FMN1: variants seen among roughly 807,000 people sequenced by gnomAD.
FMN1 encodes the protein formin-1.
FMN1 carries 110 observed loss-of-function variants against 132.4 expected under a neutral mutation model. The observed-to-expected ratio is 0.83, with a 90% CI of 0.71 to 0.97. The LOEUF (loss-of-function observed/expected upper bound fraction) is 0.97. Ranked by LOEUF, FMN1 falls within the 50% of genes least tolerant of loss-of-function variation. The pLI, the probability that FMN1 is intolerant of heterozygous loss-of-function variation, is 0.00. For missense variants in FMN1, 1,792 were observed against 1,705.3 expected (o/e 1.05, Z -0.90); for synonymous variants, 722 against 651.7 (o/e 1.11, Z -1.64).
chr15:32,935,208 A>T (rs542828535), intron 9 of FMN1, among the ~76,000 whole-genome samples: 1 of 152,314 alleles, frequency 6.6e-6, no homozygotes, highest in South Asian at 2.1e-4. Context: ...GGCGTGAGCC[A>T]CTGCACCCAG....
At chr15:33,032,172 G>T (rs905109946) in intron 6 of FMN1, among the ~76,000 whole-genome samples, 5 of 152,166 alleles carry the variant, frequency 3.3e-5, no homozygotes, top group Non-Finnish European at 7.3e-5. Context: ...GACACTTAGG[G>T]TCATTAGTTA....
At chr15:32,967,000 A>G (rs761165459) in intron 8 of FMN1, among the ~76,000 whole-genome samples, 1 of 152,244 alleles carries the variant, frequency 6.6e-6, no homozygotes, top group Non-Finnish European at 1.5e-5. Context: ...TGCAGTCTTA[A>G]CACATCATAG....
chr15:33,165,526 G>A lies in FMN1; in HGVS notation c.-131-10481C>T, dbSNP rs557361564. ...TTGCCTCAGCCTCCCGAGTAGCTGG[G>A]AATACAGGCGCCCGCCACCACGCCC... On this transcript the variant is annotated intron_variant, in intron 3 of 20. Coordinates refer to ENST00000616417, the MANE Select transcript of FMN1 (RefSeq NM_001277313.2). Among the ~76,000 whole-genome samples the A allele has an allele frequency of 3.7e-4, 56 of 152,266 alleles. No individual in the cohort carries two copies. In the East Asian group the frequency reaches 9.3e-3, roughly 25 times the overall value.
intron 6 of FMN1, among the ~76,000 whole-genome samples, chr15:33,052,257 T>G (rs1022314042): frequency 3.9e-5 from 6 of 152,192 alleles, no homozygotes; most frequent in African/African-American, 1.4e-4. Context: ...CTGAAAATAC[T>G]TGATTTAAAA....
intron 9 of FMN1, among the ~76,000 whole-genome samples, chr15:32,931,998 A>T (rs2061130814): frequency 6.6e-6 from 1 of 152,118 alleles, no homozygotes; most frequent in Non-Finnish European, 1.5e-5. Context: ...TTGTTCTTTT[A>T]ATGTAATATA....
At chr15:33,129,218 T>C (rs1963429665) in intron 4 of FMN1, among the ~76,000 whole-genome samples, 1 of 152,178 alleles carries the variant, frequency 6.6e-6, no homozygotes, top group Non-Finnish European at 1.5e-5. Context: ...CTACCAGAAT[T>C]TGGGGACAGG....
chr15:33,042,256 A>G (rs1273742997), intron 6 of FMN1, among the ~76,000 whole-genome samples: 1 of 152,210 alleles, frequency 6.6e-6, no homozygotes, highest in East Asian at 1.9e-4. Context: ...TCATAAAAGA[A>G]ATCTTGCAGA....
Position 33,157,058 on chromosome 15 carries a change from G to A in FMN1, c.-131-2013C>T, listed in dbSNP as rs28503956. On this transcript the variant is annotated intron_variant, in intron 3 of 20. Transcript: ENST00000616417. ...CGAGGTGGGCAGATCACCAGGTCAGGAGATCGACACCAGCCTGGCCAACAT... is the reference window on the plus strand; with the variant it reads ...CGAGGTGGGCAGATCACCAGGTCAGAAGATCGACACCAGCCTGGCCAACAT... 6.7e-3 allele frequency among the ~76,000 whole-genome samples: 1,017 copies of A among 152,082 alleles called. 9 individuals are homozygous for A. Among genetic ancestry groups the A allele is most frequent in the South Asian group, 0.017 (81 of 4,812 alleles).
chr15:32,817,645 G>A (rs2058094560), intron 17 of FMN1, among the ~76,000 whole-genome samples: 1 of 152,208 alleles, frequency 6.6e-6, no homozygotes. Flanking sequence ...CATTTGATCT[G>A]TTCCACCAGT....
chr15:32,840,610 G>A (rs1281217087), intron 17 of FMN1, among the ~76,000 whole-genome samples: 5 of 152,230 alleles, frequency 3.3e-5, no homozygotes, highest in Admixed American at 6.5e-5. Flanking sequence ...GATCTCAGAA[G>A]CTTGGCTATT....
chr15:33,144,055 G>A (rs773556549), intron 4 of FMN1, among the ~76,000 whole-genome samples: 2 of 152,216 alleles, frequency 1.3e-5, no homozygotes, highest in African/African-American at 2.4e-5. Context: ...GAGAGAAAAT[G>A]TGACTTCACG....
intron 17 of FMN1, among the ~76,000 whole-genome samples, chr15:32,839,501 A>AG (rs1252683672): frequency 6.6e-6 from 1 of 152,144 alleles, no homozygotes. Flanking sequence ...ATTCCACAGC[A>AG]GGGCACTTTA....
intron 10 of FMN1, among the ~76,000 whole-genome samples, chr15:32,919,750 G>A (rs1217634151): frequency 6.6e-6 from 1 of 152,134 alleles, no homozygotes; most frequent in African/African-American, 2.4e-5. Flanking sequence ...TTGTTCCTCA[G>A]GAAAGTCCTA....
chr15:32,840,185 C>G (rs1279700567), intron 17 of FMN1, among the ~76,000 whole-genome samples: 3 of 152,188 alleles, frequency 2.0e-5, no homozygotes, highest in Admixed American at 2.0e-4. Flanking sequence ...CCTCTTGCCA[C>G]TGTTGTTTTA....
chr15:33,169,725 T>C (rs1965240905), intron 3 of FMN1, among the ~76,000 whole-genome samples: 1 of 145,394 alleles, frequency 6.9e-6, no homozygotes, highest in African/African-American at 2.7e-5. Context: ...TAAAAAGCCT[T>C]TTTTTTTTCT....
chr15:33,139,098 A>C (rs927833846), intron 4 of FMN1, among the ~76,000 whole-genome samples: 7 of 152,222 alleles, frequency 4.6e-5, no homozygotes, highest in Non-Finnish European at 1.0e-4. Context: ...TAACTTAATT[A>C]ATGAAAAAGT....
chr15:33,106,915 G>C (rs2039509477), intron 4 of FMN1, among the ~76,000 whole-genome samples: 1 of 152,072 alleles, frequency 6.6e-6, no homozygotes, highest in African/African-American at 2.4e-5. Context: ...ATCTCATTCA[G>C]TCTCAGTTTT....
intron 9 of FMN1, among the ~76,000 whole-genome samples, chr15:32,939,421 G>A (rs1370266616): frequency 6.6e-6 from 1 of 152,078 alleles, no homozygotes; most frequent in African/African-American, 2.4e-5. Flanking sequence ...AAGAAAAAGT[G>A]ATAACAAAGA....
chr15:33,030,982 C>T (rs985316175), intron 6 of FMN1, among the ~76,000 whole-genome samples: 27 of 151,872 alleles, frequency 1.8e-4, no homozygotes, highest in Admixed American at 1.4e-3. Flanking sequence ...AGCTCCCCAC[C>T]CCACCCCCCG....
Sources: gnomAD v4.1 joint callset for allele counts (sites outside exome capture counted in the v4.1 genomes callset) on GRCh38, gnomAD v4.1.1 for gene constraint, MANE v1.5 for transcripts, NCBI Gene and HGNC (gene_info 2026-07-23, HGNC 2026-07-21) for gene names.